Variants in NARF observed in about 807,000 individuals in gnomAD.
The protein encoded by NARF is nuclear prelamin A recognition factor, also known as iron-only hydrogenase-like protein 2.
In NARF, 41 loss-of-function variants were observed where a neutral mutation model predicts 48.0. That is an observed-to-expected ratio of 0.85 (90% CI 0.66 to 1.11). The LOEUF is 1.11. Among genes scored for constraint, NARF ranks in the 50% least tolerant of loss-of-function variants. The probability of loss-of-function intolerance (pLI) is 0.00; values close to 1 mark genes in which losing one functional copy is unlikely to be tolerated. For missense variants in NARF, 613 were observed against 590.2 expected, an observed-to-expected ratio of 1.04 and a Z score of -0.40; for synonymous variants, 215 against 225.5, an observed-to-expected ratio of 0.95 and a Z score of 0.42.
intron 7 of NARF, 70 bp downstream of exon 7, chr17:82,481,281 G>A: frequency 6.3e-7 from 1 of 1,590,454 alleles, no homozygotes. Flanking sequence ...ACCAGAGCCA[G>A]GCAGATCTGT....
chr17:82,465,954 C>T lies in NARF; in HGVS notation c.252+1524C>T, dbSNP rs77480875. Among the ~76,000 whole-genome samples, 16 of 152,322 alleles carry T rather than the reference C, an allele frequency of 1.1e-4. 1 individual carries two copies. In the East Asian group the frequency reaches 3.1e-3, roughly 29 times the overall value. Reference sequence around the variant, plus strand: ...GTACCCTGACTTATATGCACTTGCACGGGAACTCCGTTAGCAAGCAGCAGG... The same window carrying T: ...GTACCCTGACTTATATGCACTTGCATGGGAACTCCGTTAGCAAGCAGCAGG... On this transcript the variant is annotated intron_variant, in intron 3 of 10. Coordinates refer to ENST00000309794, the MANE Select transcript of NARF (RefSeq NM_012336.4).
At chr17:82,470,091 T>C (rs1370931888) in intron 4 of NARF, among the ~76,000 whole-genome samples, 1 of 152,118 alleles carries the variant, frequency 6.6e-6, no homozygotes, top group Non-Finnish European at 1.5e-5. Flanking sequence ...TAAATGTAGA[T>C]ATATTGGGGA....
At chr17:82,481,019 C>G in intron 6 of NARF, 63 bp from the exon 7 acceptor site, 1 of 1,606,194 alleles carries the variant, frequency 6.2e-7, no homozygotes. Flanking sequence ...TTGTTCTGGG[C>G]ACCAAGCGTA....
intron 6 of NARF, among the ~76,000 whole-genome samples, chr17:82,479,387 A>T (rs2143925509): frequency 6.6e-6 from 1 of 152,254 alleles, no homozygotes; most frequent in African/African-American, 2.4e-5. Context: ...TTCCTTAGCC[A>T]CTTCTGTGAG....
chr17:82,478,707 G>C (rs1383236596), intron 5 of NARF, 93 bp from the exon 6 acceptor site: 10 of 1,273,072 alleles, frequency 7.9e-6, no homozygotes, highest in Non-Finnish European at 9.1e-6. Flanking sequence ...TCACCCTGGG[G>C]CGGCAGGGAC....
upstream of NARF, chr17:82,458,220 G>A (rs1376361069): frequency 6.6e-6 from 1 of 152,522 alleles, no homozygotes; most frequent in East Asian, 1.9e-4. Flanking sequence ...ACGTCAAGTG[G>A]CAATGGCGGC....
chr17:82,462,092 G>A (rs529031477), intron 2 of NARF, among the ~76,000 whole-genome samples: 3 of 152,322 alleles, frequency 2.0e-5, no homozygotes, highest in South Asian at 4.1e-4. Flanking sequence ...AGAGGCCTGG[G>A]GAGTAGGGTT....
At chr17:82,465,350 G>A (rs1390989607) in intron 3 of NARF, among the ~76,000 whole-genome samples, 1 of 152,204 alleles carries the variant, frequency 6.6e-6, no homozygotes, top group African/African-American at 2.4e-5. Flanking sequence ...AGGCTGAAAA[G>A]CACTTCTTGG....
intron 4 of NARF, among the ~76,000 whole-genome samples, chr17:82,469,279 A>G (rs576339099): frequency 2.0e-5 from 3 of 152,364 alleles, no homozygotes; most frequent in South Asian, 2.1e-4. Flanking sequence ...TGAAATGATT[A>G]GTATCTGGTT....
chr17:82,458,641 G>T, upstream of NARF: 1 of 896,524 alleles, frequency 1.1e-6, no homozygotes, highest in African/African-American at 1.8e-5. Flanking sequence ...CAGGGGTGCG[G>T]CTTGTCCTCT....
At chr17:82,464,708 G>A (rs2043521450) in intron 3 of NARF, among the ~76,000 whole-genome samples, 1 of 152,234 alleles carries the variant, frequency 6.6e-6, no homozygotes, top group South Asian at 2.1e-4. Flanking sequence ...TGCCTGGTGA[G>A]GTCAGGTAAC....
chr17:82,472,821 G>T, intron 5 of NARF, 123 bp downstream of exon 5: 1 of 1,257,358 alleles, frequency 8.0e-7, no homozygotes, highest in South Asian at 1.7e-5. Context: ...TAGACCAGGA[G>T]GGAAGAGCTT....
At chr17:82,483,821 C>A in intron 8 of NARF, 42 bp downstream of exon 8, 1 of 1,588,832 alleles carries the variant, frequency 6.3e-7, no homozygotes, top group South Asian at 1.1e-5. Context: ...GGGGCAGGAC[C>A]TCTCGTCAGC....
upstream of NARF, chr17:82,458,529 G>C (rs28365946): frequency 0.43 from 173,363 of 399,646 alleles, 43,006 homozygotes; most frequent in East Asian, 0.92. Flanking sequence ...TGAGCCTGCG[G>C]TCCGCCCCGC....
rs1191473597 is a variant in NARF, at chr17:82,485,626, C to T, written c.1101C>T (p.His367=). The T allele has an allele frequency of 4.3e-6, 7 of 1,614,072 alleles. No individual in the cohort carries two copies. In the South Asian group the frequency reaches 7.7e-5, roughly 18 times the overall value. The change falls in exon 10 of 11, where the codon CAC becomes CAT. Residue 367 remains histidine, a synonymous_variant. Transcript: ENST00000309794. ...LKLKKGKFPF[H]FVEVLACAGG... is the part of the protein sequence containing the mutation. ...TTAAGAAGGGCAAGTTCCCATTCCA[C>T]TTTGTGGAGGTCCTCGCCTGTGCTG...
chr17:82,487,308 A>G (rs746340413), intron 10 of NARF, among the ~76,000 whole-genome samples: 5 of 151,684 alleles, frequency 3.3e-5, no homozygotes, highest in Non-Finnish European at 5.9e-5. Context: ...ACATGGTAAA[A>G]CCCTGTCTCT....
In NARF at chr17:82,464,550, C is replaced by A. The variant is rs1206297524; in HGVS notation, c.252+120C>A. 5 of 1,267,376 alleles carry A rather than the reference C, an allele frequency of 3.9e-6. No homozygotes were observed. In the African/African-American group the frequency reaches 6.1e-5, roughly 15 times the overall value. 78.5% of individuals were successfully genotyped at this position (1,267,376 alleles called of 1,614,324 possible). A position where few individuals can be genotyped will look rare whatever the true frequency, so the allele number is the denominator to read the frequency against. ...ATCGGATGCACATCTCAGCCTTTTC[C>A]TGGTGTTGCTAACATCCTGCTTTGA... is the stretch of plus-strand genomic sequence containing the variant. On this transcript the variant is annotated intron_variant, in intron 3 of 10. Coordinates refer to ENST00000309794, the MANE Select transcript of NARF (RefSeq NM_012336.4).
At chr17:82,481,737 A>C (rs1457798512) in intron 7 of NARF, 2 of 433,540 alleles carry the variant, frequency 4.6e-6, no homozygotes, top group East Asian at 1.4e-4. Flanking sequence ...TCTCAAAAAA[A>C]AAAAAAAAAG....
intron 5 of NARF, chr17:82,477,112 C>G (rs1412576456): frequency 1.3e-5 from 2 of 152,200 alleles, no homozygotes; most frequent in African/African-American, 4.8e-5. Context: ...AGAGCTTCAA[C>G]CTCTTGGGCT....
Sources: allele counts gnomAD v4.1 joint callset (sites outside exome capture counted in the v4.1 genomes callset), GRCh38; gene constraint gnomAD v4.1.1; transcripts MANE v1.5; gene names NCBI Gene and HGNC (gene_info 2026-07-23, HGNC 2026-07-21).